AHCY: variants seen among roughly 807,000 people sequenced by gnomAD.
AHCY encodes the protein adenosylhomocysteinase.
AHCY carries 24 observed loss-of-function variants against 45.4 expected under a neutral mutation model. The ratio of observed to expected loss-of-function variants is 0.53; its 90% confidence interval spans 0.38 to 0.74. AHCY has a LOEUF of 0.74. Ranked by LOEUF, AHCY falls within the 30% of genes least tolerant of loss-of-function variation. The probability of loss-of-function intolerance (pLI) is 0.00; values close to 1 mark genes in which losing one functional copy is unlikely to be tolerated. For synonymous variants in AHCY, 245 were observed against 235.1 expected (o/e 1.04, Z -0.39); for missense variants, 449 against 594.1 (o/e 0.76, Z 2.54).
the AHCY span, among the ~76,000 whole-genome samples, chr20:34,250,508 A>T: frequency 6.6e-6 from 1 of 152,186 alleles, no homozygotes; most frequent in Non-Finnish European, 1.5e-5. Flanking sequence ...TCTCAAAAAA[A>T]TTAAAAAGGC....
chr20:34,266,694 C>CA, the AHCY span, among the ~76,000 whole-genome samples: 4 of 151,988 alleles, frequency 2.6e-5, no homozygotes, highest in Non-Finnish European at 4.4e-5. Flanking sequence ...AACAAACAAA[C>CA]AAAAAAGGCA....
chr20:34,296,056 T>C (rs2036569037), intron 1 of AHCY, among the ~76,000 whole-genome samples: 1 of 152,170 alleles, frequency 6.6e-6, no homozygotes, highest in African/African-American at 2.4e-5. Flanking sequence ...AGTTCCTTGA[T>C]CTCCTTTTAG....
the AHCY span, among the ~76,000 whole-genome samples, chr20:34,247,247 T>C: frequency 1.3e-5 from 2 of 152,056 alleles, no homozygotes; most frequent in African/African-American, 4.8e-5. Context: ...GGTCCTCAAT[T>C]GAAACAGGTT....
intron 1 of AHCY, among the ~76,000 whole-genome samples, chr20:34,309,349 C>T (rs2036926008): frequency 6.6e-6 from 1 of 152,164 alleles, no homozygotes; most frequent in Non-Finnish European, 1.5e-5. Context: ...GCTATGTTTT[C>T]TTAGTGGATT....
chr20:34,309,632 T>C lies in AHCY; in HGVS notation c.-57+1840A>G, dbSNP rs147234327. On this transcript the variant is annotated intron_variant, in intron 1 of 9. Transcript: ENST00000538132. ...CCTGTCTCCACTAAAAATACAAAAA[T>C]TAGCCGGGCGTGGTGGCAGGCACTT... Among the ~76,000 whole-genome samples the C allele has an allele frequency of 6.3e-3, 962 of 152,104 alleles. 10 individuals carry two copies. Among genetic ancestry groups the C allele is most frequent in the African/African-American group, 0.022 (925 of 41,488 alleles).
At chr20:34,259,608 T>G in the AHCY span, among the ~76,000 whole-genome samples, 4 of 151,982 alleles carry the variant, frequency 2.6e-5, no homozygotes, top group Non-Finnish European at 2.9e-5. Flanking sequence ...TAGCCTGGCA[T>G]AGTGATGGGC....
chr20:34,269,228 G>T, the AHCY span: 2 of 1,432,758 alleles, frequency 1.4e-6, no homozygotes, highest in Admixed American at 2.7e-5. Context: ...CTTCTCGGGC[G>T]GGTGATCCCT....
the AHCY span, among the ~76,000 whole-genome samples, chr20:34,251,846 A>G: frequency 3.0e-4 from 46 of 152,280 alleles, no homozygotes; most frequent in African/African-American, 1.1e-3. Context: ...ATGGCTGTCT[A>G]TGAAGAAATA....
the AHCY span, among the ~76,000 whole-genome samples, chr20:34,242,461 G>A: frequency 6.6e-6 from 1 of 152,130 alleles, no homozygotes; most frequent in Non-Finnish European, 1.5e-5. Context: ...TCAAACTCCT[G>A]GCCTCAGGTG....
At chr20:34,252,737 C>T in the AHCY span, among the ~76,000 whole-genome samples, 6 of 152,080 alleles carry the variant, frequency 3.9e-5, no homozygotes, top group Non-Finnish European at 8.8e-5. Flanking sequence ...TCCTTTCCCA[C>T]GAGGCCATAT....
the AHCY span, chr20:34,269,139 C>A: frequency 3.2e-6 from 5 of 1,549,904 alleles, no homozygotes; most frequent in Non-Finnish European, 3.5e-6. Context: ...AGCGCCTGCT[C>A]CTGCCGCGTG....
the AHCY span, among the ~76,000 whole-genome samples, chr20:34,242,366 G>A: frequency 6.6e-6 from 1 of 152,068 alleles, no homozygotes. Flanking sequence ...CTGAGTAGCT[G>A]GGACAACAGG....
At chr20:34,276,904 C>T (rs2035914259), downstream of AHCY, among the ~76,000 whole-genome samples, 1 of 152,126 alleles carries the variant, frequency 6.6e-6, no homozygotes, top group African/African-American at 2.4e-5. Context: ...GCTCGGTCCC[C>T]TGGGCTAGTC....
At chr20:34,288,756 G>C (rs2036270237) in intron 8 of AHCY, among the ~76,000 whole-genome samples, 1 of 152,114 alleles carries the variant, frequency 6.6e-6, no homozygotes, top group African/African-American at 2.4e-5. Context: ...CCCAGTCAAA[G>C]AGGTTGCTTA....
chr20:34,285,258 C>G (rs1230766840), intron 9 of AHCY, among the ~76,000 whole-genome samples, 182 bp downstream of exon 9: 2 of 152,152 alleles, frequency 1.3e-5, no homozygotes, highest in Admixed American at 1.3e-4. Context: ...GAGCCACTCC[C>G]TACTGTGGGT....
chr20:34,309,052 T>A (rs2036922745), intron 1 of AHCY, among the ~76,000 whole-genome samples: 1 of 147,506 alleles, frequency 6.8e-6, no homozygotes, highest in Non-Finnish European at 1.5e-5. Flanking sequence ...CTCCGCCTCC[T>A]GAGTTCAAGT....
chr20:34,305,463 G>A (rs1332819840), upstream of AHCY, among the ~76,000 whole-genome samples: 1 of 152,118 alleles, frequency 6.6e-6, no homozygotes. Context: ...AGGGAACGAG[G>A]GTCCACGCCT....
At chr20:34,235,139 A>G in the AHCY span, 1 of 152,224 alleles carries the variant, frequency 6.6e-6, no homozygotes, top group African/African-American at 2.4e-5. Context: ...AAGTGACCGA[A>G]GCTGTTAAAT....
chr20:34,270,378 CT>C, the AHCY span, among the ~76,000 whole-genome samples: 1 of 152,152 alleles, frequency 6.6e-6, no homozygotes, highest in Non-Finnish European at 1.5e-5. Context: ...CTGCCAGATG[CT>C]TGTTTTGTTT....
Sources: gnomAD v4.1 joint callset for allele counts (sites outside exome capture counted in the v4.1 genomes callset) on GRCh38, gnomAD v4.1.1 for gene constraint, MANE v1.5 for transcripts, NCBI Gene and HGNC (gene_info 2026-07-23, HGNC 2026-07-21) for gene names.